Variants in GRB2 observed in about 807,000 individuals in gnomAD.
GRB2 encodes growth factor receptor bound protein 2, also known as growth factor receptor-bound protein 2.
GRB2 carries 2 observed loss-of-function variants against 27.4 expected under a neutral mutation model. The observed-to-expected ratio is 0.07, with a 90% CI of 0.03 to 0.23. The LOEUF (loss-of-function observed/expected upper bound fraction) is 0.23. Among genes scored for constraint, GRB2 ranks in the 10% least tolerant of loss-of-function variants. The probability of loss-of-function intolerance (pLI) is 1.00; values close to 1 mark genes in which losing one functional copy is unlikely to be tolerated. For missense variants in GRB2, 102 were observed against 282.4 expected (o/e 0.36, Z 4.58); for synonymous variants, 94 against 99.6 (o/e 0.94, Z 0.33).
At position 75,352,766 on chromosome 17, in the gene GRB2, T is replaced by A. The variant is rs1025278476; in HGVS notation, c.79-19969A>T. Among the ~76,000 whole-genome samples, 72 of 152,288 alleles carry A rather than the reference T, an allele frequency of 4.7e-4. 1 individual carries two copies. Among genetic ancestry groups the A allele is most frequent in the African/African-American group, 1.7e-3 (70 of 41,572 alleles). ...TCTATGTATAATAAATCAATAATGA[T>A]TAAGGCTATCAACTCTGAACTGACT... is the stretch of plus-strand genomic sequence containing the variant. On this transcript the variant is annotated intron_variant, in intron 2 of 5. Coordinates refer to ENST00000316804, the MANE Select transcript of GRB2 (RefSeq NM_002086.5).
chr17:75,339,527 G>A (rs2078606168), intron 2 of GRB2, among the ~76,000 whole-genome samples: 1 of 151,946 alleles, frequency 6.6e-6, no homozygotes, highest in African/African-American at 2.4e-5. Flanking sequence ...GAACTCTAGA[G>A]GTGCTGTTTA....
rs536136194 is a variant in GRB2, at chr17:75,365,827, G to A, written c.78+27724C>T. ...CAAAAAGATGAACAGAATGGCTAGA[G>A]GAATGGACTCACACTCAGCATGCCC... On this transcript the variant is annotated intron_variant, in intron 2 of 5. Transcript: ENST00000316804. Among the ~76,000 whole-genome samples, 322 of 152,170 alleles carry A rather than the reference G, an allele frequency of 2.1e-3. 5 individuals carry two copies. In the South Asian group the frequency reaches 0.033, roughly 16 times the overall value.
intron 2 of GRB2, among the ~76,000 whole-genome samples, chr17:75,345,265 C>T (rs912075207): frequency 6.6e-6 from 1 of 151,948 alleles, no homozygotes; most frequent in African/African-American, 2.4e-5. Flanking sequence ...AGGATGGTCT[C>T]GATCTCCTGA....
At chr17:75,373,336 C>G (rs950457879) in intron 2 of GRB2, 4 of 152,194 alleles carry the variant, frequency 2.6e-5, no homozygotes, top group African/African-American at 7.2e-5. Context: ...TAGCCTTTCA[C>G]AGAACGTCAA....
At chr17:75,330,873 T>C (rs56334564) in intron 3 of GRB2, among the ~76,000 whole-genome samples, 8,207 of 152,258 alleles carry the variant, frequency 0.054, 268 homozygotes, top group Middle Eastern at 0.13. Flanking sequence ...CCCTCAAGCA[T>C]ATACAACTCA....
At chr17:75,403,835 C>T (rs9895739) in intron 1 of GRB2, among the ~76,000 whole-genome samples, 100,629 of 152,160 alleles carry the variant, frequency 0.66, 38,793 homozygotes, top group East Asian at 0.96. Flanking sequence ...TAACTCTGGC[C>T]GGGCGCGGTG....
rs1014540221 is a variant in GRB2 at position 75,395,751 on chromosome 17, T to C, written c.-137-1986A>G. ...TTTCCCCCGACCTATACCAGTAATA[T>C]CACATATTCTGGTTTAATCAGTAGT... On this transcript the variant is annotated intron_variant, in intron 1 of 5. Transcript: ENST00000316804. Among the ~76,000 whole-genome samples the C allele has an allele frequency of 4.3e-4, 66 of 152,294 alleles. 2 individuals are homozygous for C. Among genetic ancestry groups the C allele is most frequent in the Admixed American group, 4.0e-3 (61 of 15,298 alleles).
At chr17:75,348,824 C>T (rs752029963) in intron 2 of GRB2, among the ~76,000 whole-genome samples, 7 of 152,144 alleles carry the variant, frequency 4.6e-5, no homozygotes, top group South Asian at 2.1e-4. Flanking sequence ...TACAGGTGCA[C>T]GCCGCCACGC....
chr17:75,354,872 A>C (rs1454277458), intron 2 of GRB2, among the ~76,000 whole-genome samples: 1 of 152,254 alleles, frequency 6.6e-6, no homozygotes, highest in Non-Finnish European at 1.5e-5. Flanking sequence ...ATAGTGAATA[A>C]AAACAGATCT....
intron 2 of GRB2, among the ~76,000 whole-genome samples, chr17:75,346,742 G>A (rs1163527641): frequency 6.6e-6 from 1 of 151,692 alleles, no homozygotes; most frequent in African/African-American, 2.4e-5. Flanking sequence ...GCTAATTTTT[G>A]TATTTTTTAG....
At chr17:75,326,526 G>A (rs1326021288) in intron 3 of GRB2, among the ~76,000 whole-genome samples, 1 of 152,238 alleles carries the variant, frequency 6.6e-6, no homozygotes, top group East Asian at 1.9e-4. Context: ...CAGCCCAAAG[G>A]CAAAAGGTTC....
Position 75,320,603 on chromosome 17 carries a change from T to C in GRB2, c.469-50A>G. 6.8e-7 allele frequency: 1 copy of C among 1,461,310 alleles called. No homozygotes were observed. The highest frequency in any genetic ancestry group is 1.1e-5 in the South Asian group (1 of 87,216). The allele number at this position is 1,461,310 out of a possible 1,614,324, so 90.5% of individuals were successfully genotyped here. A position where few individuals can be genotyped will look rare whatever the true frequency, so the allele number is the denominator to read the frequency against. On this transcript the variant is annotated intron_variant, in intron 5 of 5. Transcript: ENST00000316804. The surrounding 1 kb of genome is among the most constrained non-coding windows in gnomAD (Gnocchi z 4.3). ...CCACATTGCATTCCTGGTCTGTGAC[T>C]GGCCACCTCCGAGGCCAGATGGGTT... is the stretch of plus-strand genomic sequence containing the variant.
intron 3 of GRB2, among the ~76,000 whole-genome samples, chr17:75,332,399 A>G (rs1349082057): frequency 6.6e-6 from 1 of 152,202 alleles, no homozygotes; most frequent in African/African-American, 2.4e-5. Flanking sequence ...AAAAAAATGC[A>G]GAATTATAAA....
rs564243064 is a variant in GRB2, at chr17:75,338,180, T to G, written c.79-5383A>C. Among the ~76,000 whole-genome samples the G allele has an allele frequency of 5.5e-4, 83 of 152,212 alleles. 1 individual carries two copies. Among genetic ancestry groups the G allele is most frequent in the African/African-American group, 1.9e-3 (80 of 41,526 alleles). On this transcript the variant is annotated intron_variant, in intron 2 of 5. Coordinates refer to ENST00000316804, the MANE Select transcript of GRB2 (RefSeq NM_002086.5). ...TCTGACCTCAGGTGATTTGCCTGCC[T>G]TGGCCTCCTGAGTAGCTAGGATTAC...
chr17:75,376,531 A>AG (rs1451448998), intron 2 of GRB2, among the ~76,000 whole-genome samples: 1 of 151,168 alleles, frequency 6.6e-6, no homozygotes, highest in East Asian at 1.9e-4. Context: ...AAAAAAAAAA[A>AG]AAAAAGATTA....
chr17:75,326,345 T>G (rs1240991484), intron 3 of GRB2: 33 of 287,698 alleles, frequency 1.1e-4, no homozygotes, highest in East Asian at 1.6e-4. Context: ...CAAAGGCGCC[T>G]GGGGAAAAGC....
Position 75,376,997 on chromosome 17 carries a change from C to T in GRB2, c.78+16554G>A, listed in dbSNP as rs142336415. 2.4e-4 allele frequency among the ~76,000 whole-genome samples: 37 copies of T among 151,706 alleles called. No individual in the cohort carries two copies. The East Asian group carries it at 7.2e-3, about 29-fold the overall frequency. On this transcript the variant is annotated intron_variant, in intron 2 of 5. Coordinates refer to ENST00000316804, the MANE Select transcript of GRB2 (RefSeq NM_002086.5). Reference sequence around the variant, plus strand: ...CTGCACTCCAGCCTGGGTAAGAGAGCCAGACCCTGTCTCAAAAACATAAAG... The same window carrying T: ...CTGCACTCCAGCCTGGGTAAGAGAGTCAGACCCTGTCTCAAAAACATAAAG...
intron 2 of GRB2, among the ~76,000 whole-genome samples, chr17:75,352,477 A>C (rs2078698838): frequency 6.6e-6 from 1 of 151,878 alleles, no homozygotes; most frequent in East Asian, 1.9e-4. Context: ...GTTGTGCTTA[A>C]AGGAGAAATG....
At chr17:75,326,934 T>G (rs2078502226) in intron 3 of GRB2, among the ~76,000 whole-genome samples, 1 of 152,232 alleles carries the variant, frequency 6.6e-6, no homozygotes, top group Non-Finnish European at 1.5e-5. Context: ...TTATCATTTT[T>G]AAAAGCAAAA....
Sources: allele counts gnomAD v4.1 joint callset (sites outside exome capture counted in the v4.1 genomes callset), GRCh38; gene constraint gnomAD v4.1.1; non-coding constraint Gnocchi (gnomAD v3.1); transcripts MANE v1.5; gene names NCBI Gene and HGNC (gene_info 2026-07-23, HGNC 2026-07-21).